Variants in ZNF654 observed in about 807,000 individuals in gnomAD.
The protein encoded by ZNF654 is zinc finger protein 654.
In ZNF654, 19 loss-of-function variants were observed where a neutral mutation model predicts 95.3. The ratio of observed to expected loss-of-function variants is 0.20; its 90% confidence interval spans 0.14 to 0.29. The LOEUF is 0.29. Ranked by LOEUF, ZNF654 falls within the 10% of genes least tolerant of loss-of-function variation. ZNF654 has a pLI of 1.00. For synonymous variants in ZNF654, 413 were observed against 457.9 expected, an observed-to-expected ratio of 0.90 and a Z score of 1.25; for missense variants, 1,046 against 1,341.0, an observed-to-expected ratio of 0.78 and a Z score of 3.44.
chr3:88,079,356 T>G (rs1707967568), intron 1 of ZNF654, among the ~76,000 whole-genome samples: 1 of 152,084 alleles, frequency 6.6e-6, no homozygotes, highest in South Asian at 2.1e-4. Context: ...GATGAAAGGA[T>G]AGCAGATATT....
intron 4 of ZNF654, among the ~76,000 whole-genome samples, chr3:88,128,112 G>A (rs2107830310): frequency 6.6e-6 from 1 of 152,230 alleles, no homozygotes; most frequent in African/African-American, 2.4e-5. Flanking sequence ...CTGAGACTCA[G>A]TTTTGCAATC....
Position 88,086,287 on chromosome 3 carries a change from G to T in ZNF654, c.217G>T (p.Val73Phe). 2 of 1,534,040 alleles carry T rather than the reference G, an allele frequency of 1.3e-6. No homozygotes were observed. Among genetic ancestry groups the T allele is most frequent in the Non-Finnish European group, 1.7e-6 (2 of 1,146,642 alleles). ...TGAAGATTATGCTGGAAGATGGCAG[G>T]TCCCTTTGCCACAGCTTCAGGTTCT... is the stretch of plus-strand genomic sequence containing the variant. ...VVEDYAGRWQ[V>F]PLPQLQVLQT... The change falls in exon 2 of 9, where the codon GTC becomes TTC. Residue 73 changes from valine (V) to phenylalanine (F), a missense_variant. Coordinates refer to ENST00000636215, the MANE Select transcript of ZNF654 (RefSeq NM_001350134.2).
At position 88,096,343 on chromosome 3, in the gene ZNF654, T is replaced by G. The variant is rs1475474749; in HGVS notation, c.332+9941T>G. Among the ~76,000 whole-genome samples the G allele has an allele frequency of 2.6e-5, 4 of 151,998 alleles. No individual in the cohort carries two copies. The East Asian group carries it at 5.8e-4, about 22-fold the overall frequency. On this transcript the variant is annotated intron_variant, in intron 2 of 8. Transcript: ENST00000636215. The stretch of plus-strand genomic sequence containing the variant: ...GAGCCCACAGACAAGAGATGGTTGA[T>G]GAGAGGAAGCAGCACCGATTTGTGT...
intron 1 of ZNF654, among the ~76,000 whole-genome samples, chr3:88,066,457 C>T (rs922573694): frequency 7.2e-5 from 11 of 152,008 alleles, no homozygotes; most frequent in Non-Finnish European, 1.2e-4. Context: ...ACCTGTAGTC[C>T]CAGCTACTTG....
chr3:88,098,714 G>A (rs1165099023), intron 2 of ZNF654, among the ~76,000 whole-genome samples: 1 of 152,136 alleles, frequency 6.6e-6, no homozygotes, highest in African/African-American at 2.4e-5. Context: ...CATATAAACA[G>A]AACCAAAGAC....
chr3:88,079,927 G>A (rs1707995346), intron 1 of ZNF654, among the ~76,000 whole-genome samples: 1 of 152,034 alleles, frequency 6.6e-6, no homozygotes, highest in African/African-American at 2.4e-5. Flanking sequence ...TTTTAACTTA[G>A]AATGTATTTC....
intron 1 of ZNF654, among the ~76,000 whole-genome samples, chr3:88,081,973 T>C (rs1329901822): frequency 6.6e-6 from 1 of 152,210 alleles, no homozygotes; most frequent in Non-Finnish European, 1.5e-5. Context: ...TAATGTGTTT[T>C]AAAACATTTT....
chr3:88,141,554 A>G (rs1003140817), intron 8 of ZNF654, 91 bp from the exon 9 acceptor site: 10 of 945,018 alleles, frequency 1.1e-5, no homozygotes, highest in Non-Finnish European at 1.5e-5. Context: ...ATCCTTTAAA[A>G]TGACAGGGTA....
At chr3:88,125,215 CA>C (rs71272834) in intron 3 of ZNF654, among the ~76,000 whole-genome samples, 175 of 120,926 alleles carry the variant, frequency 1.4e-3, no homozygotes, top group Admixed American at 4.7e-3. Context: ...GACTCCATCT[CA>C]AAAAAAAAAA....
At chr3:88,138,668 A>G (rs1706950773) in intron 7 of ZNF654, 37 bp from the exon 8 acceptor site, 1 of 1,203,126 alleles carries the variant, frequency 8.3e-7, no homozygotes, top group Admixed American at 4.2e-5. Context: ...TTTTTTTGGA[A>G]AAAAAGTATT....
At chr3:88,100,504 C>T (rs755755285) in intron 2 of ZNF654, among the ~76,000 whole-genome samples, 12 of 151,056 alleles carry the variant, frequency 7.9e-5, no homozygotes, top group Admixed American at 2.6e-4. Flanking sequence ...AATCATGCTG[C>T]GCACATGTAT....
intron 3 of ZNF654, among the ~76,000 whole-genome samples, chr3:88,118,477 A>G (rs1231721615): frequency 6.6e-6 from 1 of 151,600 alleles, no homozygotes; most frequent in African/African-American, 2.4e-5. Context: ...AAATGAGTGT[A>G]TAGTCATCAT....
chr3:88,061,028 C>T (rs1287061744), intron 1 of ZNF654, among the ~76,000 whole-genome samples: 2 of 151,930 alleles, frequency 1.3e-5, no homozygotes, highest in Non-Finnish European at 2.9e-5. Context: ...TGATAATTGG[C>T]ATTCACTTTT....
chr3:88,104,016 C>T (rs1414888556), intron 2 of ZNF654, among the ~76,000 whole-genome samples: 1 of 151,898 alleles, frequency 6.6e-6, no homozygotes, highest in African/African-American at 2.4e-5. Context: ...CCTGCCTCGG[C>T]CTCTGCTGGG....
Position 88,129,841 on chromosome 3 carries a change from A to G in ZNF654, c.893+15A>G. ...TACTGTATCTGGTAAGTGTTTGTAAATAAAGAAATTGAAATGGTAAGATGG... is the reference window on the plus strand; with the variant it reads ...TACTGTATCTGGTAAGTGTTTGTAAGTAAAGAAATTGAAATGGTAAGATGG... On this transcript the variant is annotated intron_variant, in intron 6 of 8. Coordinates refer to ENST00000636215, the MANE Select transcript of ZNF654 (RefSeq NM_001350134.2). 2.8e-6 allele frequency: 4 copies of G among 1,406,150 alleles called. No individual in the cohort carries two copies. Among genetic ancestry groups the G allele is most frequent in the Non-Finnish European group, 3.7e-6 (4 of 1,070,636 alleles). The allele number at this position is 1,406,150 out of a possible 1,614,324, so 87.1% of individuals were successfully genotyped here.
chr3:88,059,614 C>G (rs2107571452), intron 1 of ZNF654, 109 bp downstream of exon 1: 1 of 1,388,764 alleles, frequency 7.2e-7, no homozygotes, highest in East Asian at 2.8e-5. Flanking sequence ...CCGCTCCTCC[C>G]CAACAAGGAG....
intron 1 of ZNF654, among the ~76,000 whole-genome samples, chr3:88,068,932 A>C (rs1707349944): frequency 6.6e-6 from 1 of 152,172 alleles, no homozygotes; most frequent in African/African-American, 2.4e-5. Context: ...ATCTAGGAAT[A>C]AGCATTTGGT....
Position 88,128,909 on chromosome 3 carries a change from A to C in ZNF654, c.651A>C (p.Lys217Asn). ...ERIPEAMALI[K>N]SCINHPEISK... ...TACCCGAAGCAATGGCTCTTATTAA[A>C]TCTTGTATAAATCACCCAGAAATCA... Residue 217 changes from lysine (K) to asparagine (N), a missense_variant, in exon 5 of 9, where the codon AAA becomes AAC. Around this residue, in one of 9 missense-constraint regions of ZNF654, gnomAD observed 121 missense variants for 141.7 expected, o/e 0.85. Coordinates refer to ENST00000636215, the MANE Select transcript of ZNF654 (RefSeq NM_001350134.2). 6.5e-7 allele frequency: 1 copy of C among 1,535,690 alleles called. No individual in the cohort carries two copies. Among genetic ancestry groups the C allele is most frequent in the Non-Finnish European group, 8.7e-7 (1 of 1,146,594 alleles).
At chr3:88,096,390 T>A (rs924306148) in intron 2 of ZNF654, among the ~76,000 whole-genome samples, 1 of 152,032 alleles carries the variant, frequency 6.6e-6, no homozygotes, top group Admixed American at 6.6e-5. Context: ...TCTGAAGAGA[T>A]ATAACTACTG....
Sources: gnomAD v4.1 joint callset for allele counts (sites outside exome capture counted in the v4.1 genomes callset) on GRCh38, gnomAD v4.1.1 for gene constraint, gnomAD v4.1.1 regional missense constraint, MANE v1.5 for transcripts, NCBI Gene and HGNC (gene_info 2026-07-23, HGNC 2026-07-21) for gene names.